The following LY96 variants were observed in gnomAD, a reference collection of about 807,000 sequenced individuals.
LY96 encodes the protein lymphocyte antigen 96, also known as myeloid differentiation protein-2.
LY96 carries 18 observed loss-of-function variants against 18.9 expected under a neutral mutation model. The ratio of observed to expected loss-of-function variants is 0.95; its 90% CI spans 0.66 to 1.41. LY96 has a LOEUF of 1.41. Ranked by LOEUF, LY96 falls within the 40% of genes most tolerant of loss-of-function variation. The probability of loss-of-function intolerance (pLI) is 0.00; values close to 1 mark genes in which losing one functional copy is unlikely to be tolerated. For synonymous variants in LY96, 66 were observed against 62.6 expected, an observed-to-expected ratio of 1.06 and a Z score of -0.26; for missense variants, 175 against 182.4, an observed-to-expected ratio of 0.96 and a Z score of 0.23.
chr8:74,069,625 CAG>C, the LY96 span, among the ~76,000 whole-genome samples: 1 of 151,984 alleles, frequency 6.6e-6, no homozygotes, highest in Non-Finnish European at 1.5e-5. Flanking sequence ...TTTTTTGAGA[CAG>C]AGTATTACTC....
chr8:74,080,466 A>T, the LY96 span, among the ~76,000 whole-genome samples: 2 of 152,320 alleles, frequency 1.3e-5, no homozygotes, highest in East Asian at 3.9e-4. Context: ...GCTGCACAGC[A>T]ATTCCATGGC....
chr8:73,996,369 ATTCCTTTCTTTCTTTCTTTCTTTCTTTC>A (rs1816134163), intron 1 of LY96, among the ~76,000 whole-genome samples: 2 of 53,698 alleles, frequency 3.7e-5, no homozygotes, highest in Non-Finnish European at 7.6e-5. Context: ...TCCTTCCTTC[ATTCCTTTCTTTCTTTCTTTCTTTCTTTC>A]TTTCTTTCTT....
the LY96 span, among the ~76,000 whole-genome samples, chr8:74,049,349 A>T: frequency 6.6e-6 from 1 of 152,236 alleles, no homozygotes; most frequent in South Asian, 2.1e-4. Context: ...ATTAAAAAGA[A>T]ATCACTGCTA....
rs1563710943 is a variant in LY96 at position 74,002,093 on chromosome 8, T to TTCTTTCTTTCTC, written c.113-2700_113-2699insTTCTTTCTCTCT. ...TTCCTTCCTTTCTTTCTTTCTTTCTTTCTCTCTCTCTCTCTCTCTCTCTCT... is the reference window on the plus strand; with the variant it reads ...TTCCTTCCTTTCTTTCTTTCTTTCTTTCTTTCTTTCTCTCTCTCTCTCTCTCTCTCTCTCTCT... On this transcript the variant is annotated intron_variant, in intron 1 of 4. Transcript: ENST00000284818. Among the ~76,000 whole-genome samples the TTCTTTCTTTCTC allele has an allele frequency of 1.3e-3, 51 of 38,724 alleles. 9 individuals are homozygous for TTCTTTCTTTCTC. Among genetic ancestry groups the TTCTTTCTTTCTC allele is most frequent in the Admixed American group, 4.0e-3 (11 of 2,770 alleles). 25.4% of individuals were successfully genotyped at this position (38,724 alleles called of 152,430 possible). A position where few individuals can be genotyped will look rare whatever the true frequency, so the allele number is the denominator to read the frequency against.
the LY96 span, among the ~76,000 whole-genome samples, chr8:74,081,486 T>C: frequency 6.6e-6 from 1 of 151,752 alleles, no homozygotes; most frequent in Non-Finnish European, 1.5e-5. Flanking sequence ...CTTGAGCTCC[T>C]GGGCTCAAGC....
chr8:74,051,642 C>T, the LY96 span, among the ~76,000 whole-genome samples: 2 of 152,042 alleles, frequency 1.3e-5, no homozygotes, highest in Non-Finnish European at 2.9e-5. Context: ...GTAATGAAGT[C>T]GTGAGGGTGG....
chr8:74,073,739 C>T, the LY96 span, among the ~76,000 whole-genome samples: 1 of 152,022 alleles, frequency 6.6e-6, no homozygotes, highest in Non-Finnish European at 1.5e-5. Flanking sequence ...TCTCAGCTCA[C>T]TGCAACTTCT....
chr8:74,032,659 C>G (rs540333248), downstream of LY96, among the ~76,000 whole-genome samples: 1 of 152,308 alleles, frequency 6.6e-6, no homozygotes, highest in East Asian at 1.9e-4. Flanking sequence ...CCTTCCACAA[C>G]TTGGTGTCTG....
chr8:74,072,683 G>T, the LY96 span, among the ~76,000 whole-genome samples: 1 of 151,930 alleles, frequency 6.6e-6, no homozygotes, highest in African/African-American at 2.4e-5. Flanking sequence ...ACCTGATGAG[G>T]TTTTTCTCTT....
the LY96 span, among the ~76,000 whole-genome samples, chr8:74,049,304 C>G: frequency 1.3e-5 from 2 of 152,174 alleles, no homozygotes; most frequent in Non-Finnish European, 2.9e-5. Flanking sequence ...CCAGACCATA[C>G]CACTCGTGAT....
chr8:74,067,528 G>A, the LY96 span, among the ~76,000 whole-genome samples: 3 of 150,868 alleles, frequency 2.0e-5, no homozygotes, highest in Non-Finnish European at 4.4e-5. Context: ...TTTTTTTGTT[G>A]TTGTTGTTAG....
the LY96 span, among the ~76,000 whole-genome samples, chr8:74,078,914 C>T: frequency 2.6e-5 from 4 of 152,330 alleles, no homozygotes; most frequent in South Asian, 8.3e-4. Context: ...TTCTCTCTCT[C>T]TCTCTTTTTT....
chr8:74,074,411 T>C, the LY96 span, among the ~76,000 whole-genome samples: 2 of 152,170 alleles, frequency 1.3e-5, no homozygotes, highest in Non-Finnish European at 2.9e-5. Context: ...TCTTTCTTTT[T>C]TAAAATTTTA....
At chr8:74,098,876 A>T in the LY96 span, among the ~76,000 whole-genome samples, 425 of 152,360 alleles carry the variant, frequency 2.8e-3, 4 homozygotes, top group African/African-American at 9.7e-3. Flanking sequence ...TCTAAAATGT[A>T]GCCAGTAATC....
chr8:74,060,788 G>C, the LY96 span, among the ~76,000 whole-genome samples: 1 of 152,206 alleles, frequency 6.6e-6, no homozygotes, highest in African/African-American at 2.4e-5. Flanking sequence ...AGGAGATTAT[G>C]TTTCCTCAGG....
chr8:74,020,712 C>T (rs1416849090), intron 3 of LY96, among the ~76,000 whole-genome samples: 1 of 152,084 alleles, frequency 6.6e-6, no homozygotes, highest in African/African-American at 2.4e-5. Flanking sequence ...GTACTGGTAC[C>T]AAAACAGAGA....
At chr8:74,002,436 T>C (rs953553510) in intron 1 of LY96, among the ~76,000 whole-genome samples, 1 of 152,052 alleles carries the variant, frequency 6.6e-6, no homozygotes, top group African/African-American at 2.4e-5. Flanking sequence ...GCTCTTCTGA[T>C]TGAATTCTTT....
At chr8:73,997,627 C>T (rs1271171375) in intron 1 of LY96, among the ~76,000 whole-genome samples, 1 of 152,090 alleles carries the variant, frequency 6.6e-6, no homozygotes, top group Non-Finnish European at 1.5e-5. Flanking sequence ...GGGGTCCTTC[C>T]CACAAGTTTT....
the LY96 span, among the ~76,000 whole-genome samples, chr8:74,059,222 G>A: frequency 6.6e-6 from 1 of 152,164 alleles, no homozygotes; most frequent in African/African-American, 2.4e-5. Context: ...TATCACAAAG[G>A]ACACGAAAGA....
Sources: gnomAD v4.1 joint callset for allele counts (sites outside exome capture counted in the v4.1 genomes callset) on GRCh38, gnomAD v4.1.1 for gene constraint, MANE v1.5 for transcripts, NCBI Gene and HGNC (gene_info 2026-07-23, HGNC 2026-07-21) for gene names.